TCERG1L: variants seen among roughly 807,000 people sequenced by gnomAD.
TCERG1L encodes the protein transcription elongation regulator 1 like, also known as transcription elongation regulator 1-like protein.
A neutral mutation model predicts 56.3 loss-of-function variants in TCERG1L; 37 were observed. The observed-to-expected ratio is 0.66, with a 90% CI of 0.51 to 0.87. The LOEUF is 0.87. TCERG1L is among the 40% of genes least tolerant of loss of function. TCERG1L has a pLI of 0.00. For missense variants in TCERG1L, 799 were observed against 774.2 expected (o/e 1.03, Z -0.38); for synonymous variants, 324 against 326.3 (o/e 0.99, Z 0.08).
chr10:131,307,877 A>C (rs1050987957), intron 3 of TCERG1L, among the ~76,000 whole-genome samples: 1 of 152,144 alleles, frequency 6.6e-6, no homozygotes, highest in Non-Finnish European at 1.5e-5. Flanking sequence ...CATTTTTTAA[A>C]GAGTAGACTG....
At chr10:131,140,356 C>T (rs188354906) in intron 7 of TCERG1L, among the ~76,000 whole-genome samples, 1 of 152,174 alleles carries the variant, frequency 6.6e-6, no homozygotes, top group African/African-American at 2.4e-5. Context: ...GTGCTCTGCC[C>T]TCTCTGATGG....
intron 4 of TCERG1L, among the ~76,000 whole-genome samples, chr10:131,238,656 G>C (rs1845939976): frequency 6.6e-6 from 1 of 152,220 alleles, no homozygotes; most frequent in African/African-American, 2.4e-5. Context: ...GAAATAGGAA[G>C]TCGCCCTTCC....
intron 4 of TCERG1L, among the ~76,000 whole-genome samples, chr10:131,240,711 C>T (rs931129723): frequency 6.6e-5 from 10 of 152,260 alleles, no homozygotes; most frequent in South Asian, 2.1e-4. Context: ...GTGACTGAGT[C>T]GGCGTCCATC....
Position 131,093,316 on chromosome 10 carries a change from G to T in TCERG1L, c.1607C>A (p.Thr536Asn), listed in dbSNP as rs1432714868. The change falls in exon 12 of 12, where the codon ACC (threonine) becomes AAC (asparagine). Residue 536 changes from threonine to asparagine, a missense_variant and splice_region_variant. Coordinates refer to ENST00000368642, the MANE Select transcript of TCERG1L (RefSeq NM_174937.4). ...TTTCTCTGCAAACTCCTTAAACGTG[G>T]TCCTGAAAAAGAAAGAGTTTCCTGA... ...LLEESKVSPR[T>N]TFKEFAEKYG... The T allele has an allele frequency of 6.2e-7, 1 of 1,611,494 alleles. No homozygotes were observed.
intron 8 of TCERG1L, among the ~76,000 whole-genome samples, chr10:131,128,196 A>G (rs1401183899): frequency 1.3e-5 from 2 of 152,204 alleles, no homozygotes; most frequent in Non-Finnish European, 2.9e-5. Flanking sequence ...GAGTGAATAA[A>G]TGTCATAAAT....
chr10:131,202,498 T>C (rs771514601), intron 4 of TCERG1L, among the ~76,000 whole-genome samples: 2 of 152,212 alleles, frequency 1.3e-5, no homozygotes, highest in African/African-American at 2.4e-5. Flanking sequence ...GGAGAATCCC[T>C]TGAACCTGGG....
chr10:131,237,098 T>TC (rs1288111724), intron 4 of TCERG1L, among the ~76,000 whole-genome samples: 1 of 151,554 alleles, frequency 6.6e-6, no homozygotes, highest in Non-Finnish European at 1.5e-5. Flanking sequence ...GCCCCTCCCC[T>TC]CCTTGCTGGC....
chr10:131,170,325 T>C (rs1846076043), intron 4 of TCERG1L, among the ~76,000 whole-genome samples: 1 of 152,084 alleles, frequency 6.6e-6, no homozygotes, highest in East Asian at 1.9e-4. Context: ...TCTGATGATG[T>C]TGTCATAAAC....
chr10:131,148,804 C>A (rs147544034), intron 6 of TCERG1L, among the ~76,000 whole-genome samples: 1 of 152,054 alleles, frequency 6.6e-6, no homozygotes, highest in East Asian at 1.9e-4. Flanking sequence ...CCCAGTGAGA[C>A]CTGTGTCAGA....
intron 6 of TCERG1L, among the ~76,000 whole-genome samples, chr10:131,148,416 A>T (rs1845823006): frequency 6.7e-6 from 1 of 150,100 alleles, no homozygotes; most frequent in Non-Finnish European, 1.5e-5. Flanking sequence ...AGAGACACAC[A>T]TGCACACAGA....
In TCERG1L at chr10:131,111,854, C is replaced by T. The variant is rs911248681; in HGVS notation, c.1395+4945G>A. On this transcript the variant is annotated intron_variant, in intron 9 of 11. Coordinates refer to ENST00000368642, the MANE Select transcript of TCERG1L (RefSeq NM_174937.4). ...CCAGACTGCTCCAAGGTGTTGAGGG[C>T]GGCCTGCCCTTGCAGCTGCCAAATA... Among the ~76,000 whole-genome samples the T allele has an allele frequency of 6.3e-4, 91 of 143,386 alleles. 15 individuals are homozygous for T. The highest frequency in any genetic ancestry group is 1.7e-4 in the African/African-American group (7 of 40,620). 94.1% of individuals were successfully genotyped at this position (143,386 alleles called of 152,430 possible).
intron 9 of TCERG1L, among the ~76,000 whole-genome samples, chr10:131,115,645 C>A (rs1845453147): frequency 1.3e-5 from 2 of 150,018 alleles, no homozygotes; most frequent in African/African-American, 4.9e-5. Context: ...CTGTGTTTCG[C>A]CTTTGAGTAA....
At chr10:131,176,041 A>G (rs1846144093) in intron 4 of TCERG1L, among the ~76,000 whole-genome samples, 1 of 152,246 alleles carries the variant, frequency 6.6e-6, no homozygotes, top group Admixed American at 6.5e-5. Context: ...ACAGCTGCCG[A>G]CAGACGGAGA....
intron 6 of TCERG1L, among the ~76,000 whole-genome samples, chr10:131,150,394 A>G (rs1338968481): frequency 6.6e-6 from 1 of 152,252 alleles, no homozygotes; most frequent in Non-Finnish European, 1.5e-5. Flanking sequence ...TCAGGCATTC[A>G]TACTGCATTC....
intron 4 of TCERG1L, among the ~76,000 whole-genome samples, chr10:131,239,520 T>C (rs1396728032): frequency 6.6e-6 from 1 of 152,222 alleles, no homozygotes; most frequent in Non-Finnish European, 1.5e-5. Context: ...TTGGTAAAAA[T>C]CAGACATCTC....
chr10:131,187,413 G>A (rs754820215), intron 4 of TCERG1L, among the ~76,000 whole-genome samples: 1 of 152,202 alleles, frequency 6.6e-6, no homozygotes, highest in Non-Finnish European at 1.5e-5. Flanking sequence ...AGACATGAGG[G>A]TGGGTGTCCA....
intron 1 of TCERG1L, 142 bp from the exon 2 acceptor site, chr10:131,309,441 A>C (rs1846854738): frequency 2.6e-6 from 3 of 1,148,106 alleles, no homozygotes; most frequent in East Asian, 5.7e-5. Flanking sequence ...TCCTCGAGAA[A>C]AACTATAAGT....
chr10:131,256,992 G>GGAAGGAAGGAAGGGAA (rs1846173015), intron 4 of TCERG1L, among the ~76,000 whole-genome samples: 2 of 59,170 alleles, frequency 3.4e-5, no homozygotes, highest in African/African-American at 1.1e-4. Context: ...AAGGAAGGAA[G>GGAAGGAAGGAAGGGAA]GAAAGAAAGA....
chr10:131,223,140 G>A (rs960551003), intron 4 of TCERG1L, among the ~76,000 whole-genome samples: 4 of 152,210 alleles, frequency 2.6e-5, no homozygotes, highest in Admixed American at 6.5e-5. Flanking sequence ...GGCTAAACCC[G>A]GGATTCAGGC....
Sources: allele counts gnomAD v4.1 joint callset (sites outside exome capture counted in the v4.1 genomes callset), GRCh38; gene constraint gnomAD v4.1.1; transcripts MANE v1.5; gene names NCBI Gene and HGNC (gene_info 2026-07-23, HGNC 2026-07-21).